The following SCIN variants were observed in gnomAD, a reference collection of about 807,000 sequenced individuals.
SCIN encodes the protein scinderin.
In SCIN, 91 loss-of-function variants were observed where a neutral mutation model predicts 91.8. That is an observed-to-expected ratio of 0.99 (90% CI 0.84 to 1.18). SCIN has a LOEUF of 1.18. SCIN is among the 50% of genes most tolerant of loss of function. SCIN has a pLI of 0.00. For synonymous variants in SCIN, 367 were observed against 312.6 expected (o/e 1.17, Z -1.84); for missense variants, 1,087 against 863.9 (o/e 1.26, Z -3.24).
Position 12,625,714 on chromosome 7 carries a change from G to A in SCIN, c.893-48G>A, listed in dbSNP as rs774745916. 8 of 1,217,282 alleles carry A rather than the reference G, an allele frequency of 6.6e-6. No homozygotes were observed. In the East Asian group the frequency reaches 9.3e-5, roughly 14 times the overall value. 75.4% of individuals were successfully genotyped at this position (1,217,282 alleles called of 1,614,324 possible). On this transcript the variant is annotated intron_variant, in intron 6 of 15. Transcript: ENST00000297029. ...CACAAGTATTTCTTAATCATAGAAT[G>A]TCTTCCTTCTCTGAAGTTCTTTCTC...
intron 4 of SCIN, among the ~76,000 whole-genome samples, chr7:12,605,682 G>A (rs35193554): frequency 2.7e-3 from 416 of 152,252 alleles, no homozygotes; most frequent in Non-Finnish European, 4.5e-3. Context: ...AGGACTCAAA[G>A]TTTCAGACTT....
At chr7:12,573,588 A>T (rs1202519889) in intron 1 of SCIN, among the ~76,000 whole-genome samples, 1 of 152,208 alleles carries the variant, frequency 6.6e-6, no homozygotes, top group East Asian at 1.9e-4. Context: ...ATGTTATTGC[A>T]TTAGCCCTTC....
chr7:12,585,673 C>A (rs1782572715), intron 3 of SCIN, among the ~76,000 whole-genome samples: 1 of 152,208 alleles, frequency 6.6e-6, no homozygotes, highest in East Asian at 1.9e-4. Context: ...GTCATCCTGA[C>A]TTCTCCCAAG....
chr7:12,623,670 G>A (rs1783455963), intron 5 of SCIN, among the ~76,000 whole-genome samples: 2 of 152,130 alleles, frequency 1.3e-5, no homozygotes, highest in South Asian at 4.1e-4. Flanking sequence ...AAATCTCCAT[G>A]CAGAATTTAG....
At chr7:12,592,942 C>G (rs992332386) in intron 3 of SCIN, among the ~76,000 whole-genome samples, 3 of 152,164 alleles carry the variant, frequency 2.0e-5, no homozygotes, top group Non-Finnish European at 2.9e-5. Context: ...AGCCGGGGCC[C>G]AGGGGCCCTG....
chr7:12,584,536 C>T (rs1390876941), intron 3 of SCIN, among the ~76,000 whole-genome samples: 1 of 152,054 alleles, frequency 6.6e-6, no homozygotes, highest in Non-Finnish European at 1.5e-5. Context: ...ACAATATAAC[C>T]TCCTCAGCCT....
intron 1 of SCIN, among the ~76,000 whole-genome samples, chr7:12,576,136 G>C (rs1782365072): frequency 6.6e-6 from 1 of 152,094 alleles, no homozygotes; most frequent in Non-Finnish European, 1.5e-5. Flanking sequence ...TGTTAACCTT[G>C]ATTCCAAGTT....
In SCIN at chr7:12,578,184, T is replaced by A; in HGVS notation, c.320T>A (p.Phe107Tyr). 1 of 1,548,380 alleles carries A rather than the reference T, an allele frequency of 6.5e-7. No homozygotes were observed. The highest frequency in any genetic ancestry group is 8.7e-7 in the Non-Finnish European group (1 of 1,145,456). The change falls in exon 2 of 16, where the codon TTT becomes TAT. Residue 107 changes from phenylalanine to tyrosine, a missense_variant. Coordinates refer to ENST00000297029, the MANE Select transcript of SCIN (RefSeq NM_001112706.3). ...CTTCAAGGATATGAGTCTAATGACTTTGTTAGCTATTTCAAAGGCGGTCTG... is the reference window on the plus strand; with the variant it reads ...CTTCAAGGATATGAGTCTAATGACTATGTTAGCTATTTCAAAGGCGGTCTG... ...RELQGYESND[F>Y]VSYFKGGLKY... is the part of the protein sequence containing the mutation.
At position 12,640,010 on chromosome 7, in the gene SCIN, C is replaced by T. The variant is rs188716495; in HGVS notation, c.1411-337C>T. Among the ~76,000 whole-genome samples the T allele has an allele frequency of 1.2e-4, 18 of 152,210 alleles. No homozygotes were observed. In the East Asian group the frequency reaches 2.9e-3, roughly 24 times the overall value. On this transcript the variant is annotated intron_variant, in intron 10 of 15. Coordinates refer to ENST00000297029, the MANE Select transcript of SCIN (RefSeq NM_001112706.3). ...AAGAAGAGTGATTTTCACATAAGGT[C>T]GCAGACACCAGCACCTTTTCTCTTT...
chr7:12,587,049 T>G (rs965114399), intron 3 of SCIN, among the ~76,000 whole-genome samples: 1 of 152,262 alleles, frequency 6.6e-6, no homozygotes, highest in Non-Finnish European at 1.5e-5. Context: ...TAACAATAAT[T>G]TATTGTATAT....
chr7:12,583,121 A>G (rs1318451703), intron 3 of SCIN, among the ~76,000 whole-genome samples: 1 of 152,152 alleles, frequency 6.6e-6, no homozygotes, highest in Non-Finnish European at 1.5e-5. Flanking sequence ...TCTTAAAAAA[A>G]AAAACTTGTT....
intron 8 of SCIN, among the ~76,000 whole-genome samples, chr7:12,628,823 T>G (rs1328986958): frequency 6.6e-6 from 1 of 152,164 alleles, no homozygotes; most frequent in Non-Finnish European, 1.5e-5. Context: ...GAGTGTCATG[T>G]TATTTCCACT....
chr7:12,636,758 G>A (rs112645260), intron 10 of SCIN, among the ~76,000 whole-genome samples: 28 of 152,288 alleles, frequency 1.8e-4, no homozygotes, highest in African/African-American at 6.5e-4. Flanking sequence ...TACATATTAT[G>A]TAGTTGCAAA....
chr7:12,585,347 G>C (rs1782565980), intron 3 of SCIN, among the ~76,000 whole-genome samples: 1 of 152,038 alleles, frequency 6.6e-6, no homozygotes, highest in Non-Finnish European at 1.5e-5. Context: ...TCAGGCCACT[G>C]TTATTCTTCT....
rs1269006327 is a variant in SCIN, at chr7:12,651,382, C to T, written c.1960-459C>T. On this transcript the variant is annotated intron_variant, in intron 14 of 15. Coordinates refer to ENST00000297029, the MANE Select transcript of SCIN (RefSeq NM_001112706.3). The surrounding 1 kb of genome is among the most constrained non-coding windows in gnomAD (Gnocchi z 5.9). ...AGATTCTCTACAGATGCAGATCTTC[C>T]CCTACAAAAGGCAGATTTGCAGGGC... is the stretch of plus-strand genomic sequence containing the variant. Among the ~76,000 whole-genome samples the T allele has an allele frequency of 1.3e-5, 2 of 152,176 alleles. No homozygotes were observed. Among genetic ancestry groups the T allele is most frequent in the Non-Finnish European group, 2.9e-5 (2 of 68,040 alleles).
Position 12,652,632 on chromosome 7 carries a change from A to C in SCIN, c.2065A>C (p.Thr689Pro). The change falls in exon 16 of 16, where the codon ACA (threonine) becomes CCA (proline). Residue 689 changes from threonine (T) to proline (P), a missense_variant. Thr to Pro is a conservative substitution (Grantham distance 38, BLOSUM62 -1). Transcript: ENST00000297029. ...ETDPSGRDKR[T>P]PIVIIKQGHE... ...AGACCCTTCTGGAAGAGACAAGAGGACACCAATTGTCATCATAAAACAGGG... is the reference window on the plus strand; with the variant it reads ...AGACCCTTCTGGAAGAGACAAGAGGCCACCAATTGTCATCATAAAACAGGG... 1 of 1,612,622 alleles carries C rather than the reference A, an allele frequency of 6.2e-7. No homozygotes were observed. Among genetic ancestry groups the C allele is most frequent in the African/African-American group, 1.3e-5 (1 of 74,906 alleles).
chr7:12,642,880 C>A (rs577032375), intron 11 of SCIN, among the ~76,000 whole-genome samples: 27 of 152,190 alleles, frequency 1.8e-4, no homozygotes, highest in African/African-American at 6.5e-4. Context: ...TCGGCCTTGG[C>A]CCCTTCACTG....
In SCIN at chr7:12,655,582, T is replaced by C. The variant is rs1784151609; in HGVS notation, c.*2867T>C. 1.3e-5 allele frequency: 2 copies of C among 152,180 alleles called. No individual in the cohort carries two copies. The highest frequency in any genetic ancestry group is 6.5e-5 in the Admixed American group (1 of 15,276). The allele number at this position is 152,180 out of a possible 1,614,324, so 9.4% of individuals were successfully genotyped here. Reference sequence around the variant, plus strand: ...TTTATCTATCTACCAGATTAGCAAATGTTAAAATATTAAAATGTTAGTGGT... The same window carrying C: ...TTTATCTATCTACCAGATTAGCAAACGTTAAAATATTAAAATGTTAGTGGT... On this transcript the variant is annotated 3_prime_UTR_variant, in exon 16 of 16. Coordinates refer to ENST00000297029, the MANE Select transcript of SCIN (RefSeq NM_001112706.3).
In SCIN at chr7:12,652,730, A is replaced by G. The variant is rs758794713; in HGVS notation, c.*15A>G. 1.9e-6 allele frequency: 3 copies of G among 1,600,298 alleles called. No homozygotes were observed. In the Admixed American group the frequency reaches 5.3e-5, roughly 29 times the overall value. On this transcript the variant is annotated 3_prime_UTR_variant, in exon 16 of 16. Coordinates refer to ENST00000297029, the MANE Select transcript of SCIN (RefSeq NM_001112706.3). ...GCAAGTGGTAAATTGGTATTTGTAA[A>G]AAGCAAACAAACATTACAAGGCAGT... is the stretch of plus-strand genomic sequence containing the variant.
Sources: gnomAD v4.1 joint callset for allele counts (sites outside exome capture counted in the v4.1 genomes callset) on GRCh38, gnomAD v4.1.1 for gene constraint, Gnocchi (gnomAD v3.1) non-coding constraint, MANE v1.5 for transcripts, NCBI Gene and HGNC (gene_info 2026-07-23, HGNC 2026-07-21) for gene names.